Variants in KIF13B observed in about 807,000 individuals in gnomAD.
KIF13B encodes the protein kinesin family member 13B.
KIF13B carries 127 observed loss-of-function variants against 222.0 expected under a neutral mutation model. The observed-to-expected ratio is 0.57, with a 90% CI of 0.50 to 0.66. The LOEUF is 0.66. KIF13B is among the 30% of genes least tolerant of loss of function. The pLI is 0.00. For missense variants in KIF13B, 2,173 were observed against 2,379.0 expected (o/e 0.91, Z 1.80); for synonymous variants, 976 against 919.0 (o/e 1.06, Z -1.12).
At chr8:29,231,762 T>TA (rs147391122) in intron 2 of KIF13B, among the ~76,000 whole-genome samples, 2,035 of 146,864 alleles carry the variant, frequency 0.014, 12 homozygotes, top group Non-Finnish European at 0.018. Context: ...TTATATCCTC[T>TA]AAAAAAAAAA....
chr8:29,140,071 C>T lies in KIF13B; in HGVS notation c.2605G>A (p.Val869Met). The change falls in exon 21 of 40, where the codon GTG becomes ATG. Residue 869 changes from valine (V) to methionine (M), a missense_variant. Transcript: ENST00000524189. ...FEKETQENKL[V>M]CMVKILQATG... ...ATGAAGCTGGGACTTACCATGCACA[C>T]CAGTTTGTTCTCCTGGGTCTCCTTC... 6.3e-7 allele frequency: 1 copy of T among 1,588,222 alleles called. No homozygotes were observed. Among genetic ancestry groups the T allele is most frequent in the Non-Finnish European group, 8.6e-7 (1 of 1,167,542 alleles).
At chr8:29,162,545 G>A (rs1811826334) in intron 12 of KIF13B, among the ~76,000 whole-genome samples, 1 of 152,180 alleles carries the variant, frequency 6.6e-6, no homozygotes, top group Non-Finnish European at 1.5e-5. Flanking sequence ...TCCATAAGAT[G>A]AGGTAACTAA....
At chr8:29,247,050 C>T (rs568706374) in intron 1 of KIF13B, among the ~76,000 whole-genome samples, 1 of 152,218 alleles carries the variant, frequency 6.6e-6, no homozygotes, top group East Asian at 1.9e-4. Flanking sequence ...ACACCCAAAA[C>T]ACAGACAACA....
At chr8:29,153,353 A>C (rs952205216) in intron 14 of KIF13B, among the ~76,000 whole-genome samples, 1 of 152,202 alleles carries the variant, frequency 6.6e-6, no homozygotes, top group Non-Finnish European at 1.5e-5. Context: ...ACCTATATTA[A>C]AGTCTTCGGT....
chr8:29,185,756 G>C (rs759469331), intron 6 of KIF13B, among the ~76,000 whole-genome samples: 8 of 152,166 alleles, frequency 5.3e-5, no homozygotes, highest in Non-Finnish European at 1.0e-4. Context: ...ACATCAACAA[G>C]CCACAGGCTG....
At chr8:29,195,065 T>C (rs1813356531) in intron 3 of KIF13B, among the ~76,000 whole-genome samples, 1 of 152,174 alleles carries the variant, frequency 6.6e-6, no homozygotes. Context: ...CTGGCCAACA[T>C]GGTGAAACCC....
At chr8:29,231,250 G>GA (rs1389924337) in intron 2 of KIF13B, among the ~76,000 whole-genome samples, 13 of 152,188 alleles carry the variant, frequency 8.5e-5, no homozygotes, top group African/African-American at 3.1e-4. Flanking sequence ...GTAAATAGAT[G>GA]AAGGCTACCA....
chr8:29,141,068 T>C lies in KIF13B; in HGVS notation c.2335-451A>G, dbSNP rs867107759. Among the ~76,000 whole-genome samples, 4 of 151,920 alleles carry C rather than the reference T, an allele frequency of 2.6e-5. No homozygotes were observed. In the Middle Eastern group the frequency reaches 0.01, roughly 396 times the overall value. ...ACTGCTGCTAATAAAAGGTGAGCCCTCACACCTATAATCCCAGCACTTTGG... is the reference window on the plus strand; with the variant it reads ...ACTGCTGCTAATAAAAGGTGAGCCCCCACACCTATAATCCCAGCACTTTGG... On this transcript the variant is annotated intron_variant, in intron 19 of 39. Coordinates refer to ENST00000524189, the MANE Select transcript of KIF13B (RefSeq NM_015254.4).
intron 2 of KIF13B, among the ~76,000 whole-genome samples, chr8:29,231,816 T>C (rs1033228447): frequency 6.6e-6 from 1 of 152,166 alleles, no homozygotes; most frequent in Non-Finnish European, 1.5e-5. Context: ...TATGTGTATA[T>C]GTAAACAAAA....
intron 28 of KIF13B, 104 bp downstream of exon 28, chr8:29,123,262 T>C: frequency 7.2e-6 from 9 of 1,256,724 alleles, no homozygotes; most frequent in Non-Finnish European, 9.8e-6. Flanking sequence ...TTTCCCCCCA[T>C]GCTATTGACT....
intron 2 of KIF13B, among the ~76,000 whole-genome samples, chr8:29,231,933 T>C (rs1251541281): frequency 1.3e-5 from 2 of 152,142 alleles, no homozygotes; most frequent in Non-Finnish European, 2.9e-5. Flanking sequence ...TTCCAGTCTG[T>C]CCCTGGATCA....
chr8:29,103,776 A>G (rs980239853), intron 35 of KIF13B, among the ~76,000 whole-genome samples: 18 of 152,098 alleles, frequency 1.2e-4, no homozygotes, highest in Non-Finnish European at 2.6e-4. Flanking sequence ...TTAGAACCGA[A>G]CCACTTTCCT....
chr8:29,168,617 G>A (rs770061783), intron 10 of KIF13B, among the ~76,000 whole-genome samples: 7 of 152,170 alleles, frequency 4.6e-5, no homozygotes, highest in Non-Finnish European at 8.8e-5. Context: ...GTGGCCCTAC[G>A]AAGAGAGGCC....
intron 26 of KIF13B, 130 bp downstream of exon 26, chr8:29,126,352 A>T: frequency 1.5e-6 from 1 of 660,456 alleles, no homozygotes; most frequent in Non-Finnish European, 2.7e-6. Flanking sequence ...ACTCTGTTTT[A>T]CTTTAAAACA....
chr8:29,202,319 T>C (rs1316062002), intron 2 of KIF13B, among the ~76,000 whole-genome samples: 1 of 152,164 alleles, frequency 6.6e-6, no homozygotes, highest in Non-Finnish European at 1.5e-5. Flanking sequence ...GATATCTCTT[T>C]ATTTTATTGT....
chr8:29,104,836 C>T (rs929245383), intron 35 of KIF13B, among the ~76,000 whole-genome samples: 3 of 152,140 alleles, frequency 2.0e-5, no homozygotes, highest in Admixed American at 6.5e-5. Context: ...CTCCGCCCCC[C>T]GTGGTTCACG....
intron 2 of KIF13B, among the ~76,000 whole-genome samples, chr8:29,217,505 A>T (rs565001490): frequency 1.2e-3 from 181 of 152,350 alleles, no homozygotes; most frequent in African/African-American, 4.0e-3. Flanking sequence ...AGATTAGAAC[A>T]GTGCCTGGCA....
chr8:29,232,363 G>A (rs1014874118), intron 2 of KIF13B, among the ~76,000 whole-genome samples: 2 of 149,872 alleles, frequency 1.3e-5, no homozygotes, highest in African/African-American at 4.9e-5. Context: ...CTTGAGGCCA[G>A]GAGTTCAAGA....
At chr8:29,193,911 A>G (rs1025419428) in intron 3 of KIF13B, among the ~76,000 whole-genome samples, 2 of 151,588 alleles carry the variant, frequency 1.3e-5, no homozygotes, top group African/African-American at 2.4e-5. Context: ...TCCACCTCCC[A>G]GGTTCACGCC....
Sources: allele counts gnomAD v4.1 joint callset (sites outside exome capture counted in the v4.1 genomes callset), GRCh38; gene constraint gnomAD v4.1.1; transcripts MANE v1.5; gene names NCBI Gene and HGNC (gene_info 2026-07-23, HGNC 2026-07-21).